MICAL3: variants seen among roughly 807,000 people sequenced by gnomAD.
MICAL3 encodes the protein [F-actin]-monooxygenase MICAL3.
MICAL3 carries 62 observed loss-of-function variants against 207.4 expected under a neutral mutation model. The ratio of observed to expected loss-of-function variants is 0.30; its 90% CI spans 0.24 to 0.37. The LOEUF (loss-of-function observed/expected upper bound fraction) is 0.37, where lower values mean the gene tolerates loss of function less well. Ranked by LOEUF, MICAL3 falls within the 10% of genes least tolerant of loss-of-function variation. The pLI, the probability that MICAL3 is intolerant of heterozygous loss-of-function variation, is 1.00. For missense variants in MICAL3, 2,368 were observed against 2,635.6 expected, an observed-to-expected ratio of 0.90 and a Z score of 2.22; for synonymous variants, 1,077 against 1,069.3, an observed-to-expected ratio of 1.01 and a Z score of -0.14.
At chr22:17,861,314 G>T (rs1419767474) in intron 19 of MICAL3, 7 of 934,372 alleles carry the variant, frequency 7.5e-6, no homozygotes, top group Non-Finnish European at 8.7e-6. Context: ...TCTGGGGACA[G>T]GGGTCAGGCA....
At chr22:17,971,327 G>C (rs979425474) in intron 1 of MICAL3, among the ~76,000 whole-genome samples, 2 of 152,100 alleles carry the variant, frequency 1.3e-5, no homozygotes, top group Non-Finnish European at 2.9e-5. Flanking sequence ...AATTAGCTGG[G>C]CATGGTGTTG....
intron 16 of MICAL3, among the ~76,000 whole-genome samples, chr22:17,882,752 A>G (rs1386012988): frequency 2.0e-5 from 3 of 152,170 alleles, no homozygotes; most frequent in Non-Finnish European, 4.4e-5. Flanking sequence ...TTTCTCACCA[A>G]TCAAGTCTCA....
At chr22:17,881,900 G>T (rs1929466644) in intron 16 of MICAL3, among the ~76,000 whole-genome samples, 1 of 152,110 alleles carries the variant, frequency 6.6e-6, no homozygotes, top group Admixed American at 6.5e-5. Flanking sequence ...CCTCATTTCT[G>T]CCCCCTCCAC....
intron 20 of MICAL3, among the ~76,000 whole-genome samples, chr22:17,839,112 C>T (rs1010904770): frequency 2.6e-5 from 4 of 151,588 alleles, no homozygotes; most frequent in South Asian, 2.1e-4. Context: ...CAGGCAGGTC[C>T]GGATAATTTT....
chr22:17,891,223 T>C (rs1465505770), intron 12 of MICAL3, among the ~76,000 whole-genome samples: 4 of 151,570 alleles, frequency 2.6e-5, no homozygotes, highest in Non-Finnish European at 4.4e-5. Context: ...GACTTATGAG[T>C]GTTGTGATTT....
intron 1 of MICAL3, among the ~76,000 whole-genome samples, chr22:17,912,624 A>G (rs573300400): frequency 7.2e-5 from 11 of 152,224 alleles, no homozygotes; most frequent in African/African-American, 2.6e-4. Context: ...TCCTTTTCAG[A>G]CTGTTCACTA....
intron 22 of MICAL3, chr22:17,826,420 G>A: frequency 1.0e-6 from 1 of 980,792 alleles, no homozygotes; most frequent in Non-Finnish European, 1.2e-6. Flanking sequence ...AGAGGTTACG[G>A]TGAGTGGGGA....
chr22:17,837,037 G>A (rs1313817895), intron 20 of MICAL3, among the ~76,000 whole-genome samples: 4 of 152,188 alleles, frequency 2.6e-5, no homozygotes, highest in Non-Finnish European at 4.4e-5. Context: ...CCTCTGTCCC[G>A]TTGGGCCATG....
chr22:17,816,649 AG>A, intron 27 of MICAL3, 40 bp downstream of exon 27: 1 of 1,457,962 alleles, frequency 6.9e-7, no homozygotes, highest in Non-Finnish European at 9.4e-7. Context: ...ATGAACAGAC[AG>A]GGCCCCAGGC....
At chr22:17,982,111 TAAA>T (rs71184754) in intron 1 of MICAL3, among the ~76,000 whole-genome samples, 5 of 143,378 alleles carry the variant, frequency 3.5e-5, no homozygotes, top group African/African-American at 5.0e-5. Flanking sequence ...TCTCAAAAAA[TAAA>T]AAAAAAAAAA....
chr22:17,952,362 A>C (rs1051552550), intron 1 of MICAL3, among the ~76,000 whole-genome samples: 1 of 152,156 alleles, frequency 6.6e-6, no homozygotes, highest in Admixed American at 6.6e-5. Flanking sequence ...GGAAATCCGC[A>C]GCATCCAGCC....
chr22:17,895,441 G>C, intron 9 of MICAL3, 31 bp from the exon 10 acceptor site: 1 of 1,611,036 alleles, frequency 6.2e-7, no homozygotes, highest in Non-Finnish European at 8.5e-7. Context: ...ACTCAGAATC[G>C]GGACCAGCAC....
intron 1 of MICAL3, among the ~76,000 whole-genome samples, chr22:18,003,021 G>A (rs1265073899): frequency 5.9e-5 from 9 of 151,872 alleles, no homozygotes; most frequent in East Asian, 1.9e-4. Flanking sequence ...TTAGCTGGGC[G>A]TGGTGGTGGG....
chr22:17,808,964 C>A, intron 28 of MICAL3, 27 bp from the exon 29 acceptor site: 1 of 1,531,418 alleles, frequency 6.5e-7, no homozygotes, highest in Non-Finnish European at 8.8e-7. Flanking sequence ...AGACTGAGCA[C>A]CCGGCTCTCC....
chr22:17,925,717 A>AC (rs1932905009), intron 1 of MICAL3, among the ~76,000 whole-genome samples: 2 of 152,016 alleles, frequency 1.3e-5, no homozygotes, highest in Non-Finnish European at 2.9e-5. Context: ...AAAATGAAGA[A>AC]CCCGTTCATC....
At chr22:17,875,558 T>G in intron 16 of MICAL3, 1 of 1,535,904 alleles carries the variant, frequency 6.5e-7, no homozygotes, top group Non-Finnish European at 8.8e-7. Context: ...GCTCTGGCTA[T>G]AAAATACAAG....
chr22:17,959,476 G>T (rs1032472355), intron 1 of MICAL3, among the ~76,000 whole-genome samples: 1 of 151,904 alleles, frequency 6.6e-6, no homozygotes, highest in Non-Finnish European at 1.5e-5. Flanking sequence ...CACCAGGCCC[G>T]GCTAATTTTT....
In MICAL3 at chr22:17,817,980, G is replaced by A. The variant is rs1242867877; in HGVS notation, c.4681C>T (p.Leu1561=). 6.2e-7 allele frequency: 1 copy of A among 1,612,422 alleles called. No individual in the cohort carries two copies. The highest frequency in any genetic ancestry group is 1.7e-5 in the Admixed American group (1 of 60,008). The change falls in exon 26 of 32, where the codon CTG becomes TTG. Residue 1561 remains leucine, a synonymous_variant. Coordinates refer to ENST00000441493, the MANE Select transcript of MICAL3 (RefSeq NM_015241.3). ...GGCAGCCTCCCGTTCTCCTTGGCCA[G>A]GGGCGGGTGGCGAGGCTTCTCGGGG... ...PRPEKPRHPP[L]AKENGRLPAL...
intron 1 of MICAL3, among the ~76,000 whole-genome samples, chr22:17,911,542 C>T (rs972968930): frequency 2.6e-5 from 4 of 151,986 alleles, no homozygotes; most frequent in East Asian, 1.9e-4. Flanking sequence ...ATCTTGAAAG[C>T]GGGTGGAAGG....
Sources: gnomAD v4.1 joint callset for allele counts (sites outside exome capture counted in the v4.1 genomes callset) on GRCh38, gnomAD v4.1.1 for gene constraint, MANE v1.5 for transcripts, NCBI Gene and HGNC (gene_info 2026-07-23, HGNC 2026-07-21) for gene names.